PRKCH: variants seen among roughly 807,000 people sequenced by gnomAD.
PRKCH encodes protein kinase C eta.
Under a neutral mutation model 82.5 loss-of-function variants are expected in PRKCH, and 28 were observed. The observed-to-expected ratio is 0.34, with a 90% confidence interval of 0.25 to 0.47. The LOEUF (loss-of-function observed/expected upper bound fraction) is 0.47, where lower values mean the gene tolerates loss of function less well. PRKCH is among the 20% of genes least tolerant of loss of function. PRKCH has a pLI of 1.00. For synonymous variants in PRKCH, 322 were observed against 327.4 expected (o/e 0.98, Z 0.18); for missense variants, 705 against 881.8 (o/e 0.80, Z 2.54).
At chr14:61,216,241 G>A (rs573874128) in intron 1 of PRKCH, among the ~76,000 whole-genome samples, 1 of 152,186 alleles carries the variant, frequency 6.6e-6, no homozygotes, top group African/African-American at 2.4e-5. Context: ...CGAGGAGGGC[G>A]GATCACCTAA....
At chr14:61,210,710 G>T (rs1471906559) in intron 1 of PRKCH, among the ~76,000 whole-genome samples, 1 of 151,562 alleles carries the variant, frequency 6.6e-6, no homozygotes, top group African/African-American at 2.4e-5. Context: ...TGGAATAAAT[G>T]TATAGGGGTC....
chr14:61,427,492 T>C (rs1027782476), intron 2 of PRKCH, among the ~76,000 whole-genome samples: 1 of 152,094 alleles, frequency 6.6e-6, no homozygotes, highest in Non-Finnish European at 1.5e-5. Flanking sequence ...CGGATGCAAA[T>C]TTTCCTCCAC....
intron 2 of PRKCH, among the ~76,000 whole-genome samples, chr14:61,417,336 T>G (rs778025544): frequency 3.2e-4 from 48 of 152,192 alleles, no homozygotes; most frequent in Non-Finnish European, 5.9e-4. Context: ...TTGGTCTAAC[T>G]GAAAGCACCT....
intron 4 of PRKCH, 80 bp downstream of exon 4, chr14:61,445,806 TCTTCC>T (rs1884193305): frequency 1.4e-6 from 2 of 1,388,804 alleles, no homozygotes; most frequent in African/African-American, 2.9e-5. Context: ...AAACAGGGTA[TCTTCC>T]CTTAATATTG....
intron 1 of PRKCH, among the ~76,000 whole-genome samples, chr14:61,356,314 T>C (rs2046148361): frequency 6.6e-6 from 1 of 152,206 alleles, no homozygotes; most frequent in African/African-American, 2.4e-5. Flanking sequence ...GGAGGGGAGC[T>C]TGTACCCATT....
intron 12 of PRKCH, among the ~76,000 whole-genome samples, chr14:61,536,339 C>G (rs1456233327): frequency 6.6e-6 from 1 of 152,076 alleles, no homozygotes; most frequent in Non-Finnish European, 1.5e-5. Context: ...GAAAAGAGAC[C>G]AGAGAAGGAG....
At chr14:61,387,221 G>A (rs932738988) in intron 1 of PRKCH, among the ~76,000 whole-genome samples, 14 of 152,236 alleles carry the variant, frequency 9.2e-5, no homozygotes, top group African/African-American at 3.4e-4. Flanking sequence ...ATACCGGGTA[G>A]GGAGTTGTAA....
At chr14:61,288,703 T>G (rs2045336542) in intron 1 of PRKCH, among the ~76,000 whole-genome samples, 1 of 152,324 alleles carries the variant, frequency 6.6e-6, no homozygotes, top group East Asian at 1.9e-4. Context: ...ACCAAGACTG[T>G]AGATGTTACC....
intron 1 of PRKCH, among the ~76,000 whole-genome samples, chr14:61,203,969 G>A (rs1025405877): frequency 3.3e-5 from 5 of 152,068 alleles, no homozygotes; most frequent in Admixed American, 3.3e-4. Flanking sequence ...ATCAGAATCT[G>A]CATTTTAATA....
chr14:61,290,349 G>A lies in PRKCH; in HGVS notation c.-19+102681G>A, dbSNP rs546584895. Reference sequence around the variant, plus strand: ...TTCTCCTTGGGATTCTCCCAGAGATGTGAAACTGGGGAAAAATAACATCTT... The same window carrying A: ...TTCTCCTTGGGATTCTCCCAGAGATATGAAACTGGGGAAAAATAACATCTT... On this transcript the variant is annotated intron_variant, in intron 1 of 3. Transcript: ENST00000555185. 6.6e-5 allele frequency among the ~76,000 whole-genome samples: 10 copies of A among 152,060 alleles called. No individual in the cohort carries two copies. The South Asian group carries it at 2.1e-3, about 32-fold the overall frequency.
chr14:61,424,799 C>T (rs955741634), intron 2 of PRKCH, among the ~76,000 whole-genome samples: 3 of 152,202 alleles, frequency 2.0e-5, no homozygotes, highest in East Asian at 3.9e-4. Context: ...TTACAGGCCC[C>T]GAGGCCTAGA....
chr14:61,372,081 T>A (rs2046370349), intron 1 of PRKCH, among the ~76,000 whole-genome samples: 1 of 152,070 alleles, frequency 6.6e-6, no homozygotes, highest in Non-Finnish European at 1.5e-5. Flanking sequence ...TTTTTGTTGT[T>A]GCATGTGTGC....
chr14:61,529,784 T>C lies in PRKCH; in HGVS notation c.1572+571T>C, dbSNP rs12878249. On this transcript the variant is annotated intron_variant, in intron 11 of 13. Coordinates refer to ENST00000332981, the MANE Select transcript of PRKCH (RefSeq NM_006255.5). ...GTGGGGGGAGGGGGGAGGGATAGCA[T>C]TGGGAGATATACCTAATGCTAGATG... Among the ~76,000 whole-genome samples the C allele has an allele frequency of 1.6e-4, 23 of 142,774 alleles. 1 individual carries two copies. The East Asian group carries it at 1.9e-3, about 12-fold the overall frequency. The allele number at this position is 142,774 out of a possible 152,430, so 93.7% of individuals were successfully genotyped here. A position where few individuals can be genotyped will look rare whatever the true frequency, so the allele number is the denominator to read the frequency against.
In PRKCH at chr14:61,547,877, A is replaced by G; in HGVS notation, c.1896A>G (p.Arg632=). Reference sequence around the variant, plus strand: ...ATCGCCAAATAGAACCGCCTTTCAGACCCAGAATCGTAAGTGTCCCAGGCT... The same window carrying G: ...ATCGCCAAATAGAACCGCCTTTCAGGCCCAGAATCGTAAGTGTCCCAGGCT... The part of the protein sequence containing the change: ...LNHRQIEPPF[R]PRIKSREDVS... The change falls in exon 13 of 14, where the codon AGA becomes AGG. Residue 632 remains arginine (R), a synonymous_variant. Transcript: ENST00000332981. 1 of 1,613,758 alleles carries G rather than the reference A, an allele frequency of 6.2e-7. No homozygotes were observed. Among genetic ancestry groups the G allele is most frequent in the Non-Finnish European group, 8.5e-7 (1 of 1,179,752 alleles).
intron 1 of PRKCH, among the ~76,000 whole-genome samples, chr14:61,340,462 A>G (rs2045917972): frequency 6.6e-6 from 1 of 152,134 alleles, no homozygotes; most frequent in African/African-American, 2.4e-5. Context: ...TCAACTTTTA[A>G]GTCTCAACAA....
intron 1 of PRKCH, among the ~76,000 whole-genome samples, chr14:61,315,038 T>C (rs1159023551): frequency 6.6e-6 from 1 of 152,244 alleles, no homozygotes; most frequent in African/African-American, 2.4e-5. Context: ...ATGAGACCAG[T>C]GTTTTTCTTT....
chr14:61,426,200 A>C (rs1046631205), intron 2 of PRKCH, among the ~76,000 whole-genome samples: 19 of 152,172 alleles, frequency 1.2e-4, no homozygotes, highest in African/African-American at 4.6e-4. Flanking sequence ...CCAAGGTGCA[A>C]CCTGGAACAC....
At chr14:61,508,513 GGGTAAAA>G (rs1887247925) in intron 10 of PRKCH, among the ~76,000 whole-genome samples, 1 of 152,122 alleles carries the variant, frequency 6.6e-6, no homozygotes, top group East Asian at 1.9e-4. Context: ...CCTGATAGTT[GGGTAAAA>G]GGATCAGTTA....
chr14:61,287,591 T>C (rs2140096872), intron 1 of PRKCH, among the ~76,000 whole-genome samples: 1 of 152,130 alleles, frequency 6.6e-6, no homozygotes, highest in Non-Finnish European at 1.5e-5. Flanking sequence ...ACGCCTGTAA[T>C]CTCAGCCTCT....
Sources: gnomAD v4.1 joint callset for allele counts (sites outside exome capture counted in the v4.1 genomes callset) on GRCh38, gnomAD v4.1.1 for gene constraint, MANE v1.5 for transcripts, NCBI Gene and HGNC (gene_info 2026-07-23, HGNC 2026-07-21) for gene names.